The following ERMAP variants were observed in gnomAD, a reference collection of about 807,000 sequenced individuals.
The protein encoded by ERMAP is erythroblast membrane associated protein (Scianna blood group).
A neutral mutation model predicts 49.5 loss-of-function variants in ERMAP; 34 were observed. The observed-to-expected ratio is 0.69, with a 90% CI of 0.52 to 0.91. The LOEUF (loss-of-function observed/expected upper bound fraction) is 0.91. ERMAP is among the 40% of genes least tolerant of loss of function. ERMAP has a pLI of 0.00. For missense variants in ERMAP, 541 were observed against 582.6 expected (o/e 0.93, Z 0.74); for synonymous variants, 214 against 232.2 (o/e 0.92, Z 0.71).
At chr1:42,835,942 C>T (rs549565580) in intron 6 of ERMAP, among the ~76,000 whole-genome samples, 178 bp downstream of exon 6, 1 of 152,230 alleles carries the variant, frequency 6.6e-6, no homozygotes, top group African/African-American at 2.4e-5. Flanking sequence ...CTTGTAATAG[C>T]TTTGCCTTCC....
chr1:42,828,240 C>T (rs1156271978), intron 2 of ERMAP, among the ~76,000 whole-genome samples: 3 of 151,874 alleles, frequency 2.0e-5, no homozygotes, highest in Admixed American at 1.3e-4. Context: ...GCACTTCTTA[C>T]ATGGAGTGAC....
chr1:42,837,543 C>T (rs1654937319), intron 7 of ERMAP: 1 of 166,378 alleles, frequency 6.0e-6, no homozygotes, highest in African/African-American at 2.4e-5. Flanking sequence ...ACAACCTTTG[C>T]ATAGAGAGAG....
At position 42,837,217 on chromosome 1, in the gene ERMAP, G is replaced by C. The variant is rs536249475; in HGVS notation, c.616+27G>C. 6 of 1,606,644 alleles carry C rather than the reference G, an allele frequency of 3.7e-6. No homozygotes were observed. The East Asian group carries it at 1.3e-4, about 36-fold the overall frequency. On this transcript the variant is annotated intron_variant, in intron 7 of 11. Coordinates refer to ENST00000372517, the MANE Select transcript of ERMAP (RefSeq NM_001017922.2). Reference sequence around the variant, plus strand: ...TAATGATATAAAAGAGTAAGGGGTAGGGAACAAAAAACACATTCTTTATTT... The same window carrying C: ...TAATGATATAAAAGAGTAAGGGGTACGGAACAAAAAACACATTCTTTATTT...
At chr1:42,832,092 A>G (rs1004390892) in intron 4 of ERMAP, among the ~76,000 whole-genome samples, 2 of 151,758 alleles carry the variant, frequency 1.3e-5, no homozygotes, top group African/African-American at 4.8e-5. Context: ...GTCACACACC[A>G]TGAAGTGGGG....
intron 2 of ERMAP, among the ~76,000 whole-genome samples, chr1:42,826,982 G>A (rs1570532368): frequency 6.6e-6 from 1 of 151,992 alleles, no homozygotes; most frequent in African/African-American, 2.4e-5. Context: ...GCGATGTATT[G>A]GAAAACAACC....
intron 11 of ERMAP, 148 bp downstream of exon 11, chr1:42,840,444 A>T: frequency 4.3e-6 from 4 of 926,338 alleles, no homozygotes; most frequent in Non-Finnish European, 6.6e-6. Context: ...AAATTAAAAA[A>T]ATCTTTGTGA....
intron 4 of ERMAP, among the ~76,000 whole-genome samples, chr1:42,834,192 G>A (rs567021378): frequency 1.1e-4 from 16 of 152,290 alleles, no homozygotes; most frequent in East Asian, 3.9e-4. Context: ...GCTTCTGCTC[G>A]TTTCCTCTCC....
chr1:42,839,574 T>C (rs1465847045), intron 8 of ERMAP: 3 of 190,582 alleles, frequency 1.6e-5, no homozygotes, highest in South Asian at 1.0e-4. Flanking sequence ...TGCACTATTG[T>C]ACTCCAGCCT....
Position 42,830,973 on chromosome 1 carries a change from G to A in ERMAP, c.291G>A (p.Arg97=). 1 of 1,614,220 alleles carries A rather than the reference G, an allele frequency of 6.2e-7. No homozygotes were observed. The highest frequency in any genetic ancestry group is 1.3e-5 in the African/African-American group (1 of 75,052). ...ATCTGATGCCGGAATATAAGGGGAG[G>A]ACGGTGCTAGTGAGAGATGCCCAAG... The part of the protein sequence containing the change: ...DEDLMPEYKG[R]TVLVRDAQEG... Residue 97 remains arginine (R), a synonymous_variant, in exon 4 of 12, where the codon AGG becomes AGA. Coordinates refer to ENST00000372517, the MANE Select transcript of ERMAP (RefSeq NM_001017922.2).
intron 2 of ERMAP, among the ~76,000 whole-genome samples, chr1:42,826,918 A>G (rs1485514718): frequency 6.6e-6 from 1 of 152,134 alleles, no homozygotes; most frequent in Non-Finnish European, 1.5e-5. Context: ...ACTAGGACTA[A>G]GCCATCTGAT....
intron 4 of ERMAP, among the ~76,000 whole-genome samples, chr1:42,831,571 T>TTTC (rs1553149742): frequency 1.1e-4 from 9 of 79,908 alleles, no homozygotes; most frequent in African/African-American, 1.5e-4. Context: ...TTTTTTTTTT[T>TTTC]TCTCTTTTTT....
intron 2 of ERMAP, among the ~76,000 whole-genome samples, chr1:42,827,169 T>C (rs1654579328): frequency 6.6e-6 from 1 of 152,144 alleles, no homozygotes; most frequent in African/African-American, 2.4e-5. Flanking sequence ...ATATAAAGTA[T>C]TTATTTACTT....
At chr1:42,838,434 C>T (rs1200258471) in intron 7 of ERMAP, among the ~76,000 whole-genome samples, 1 of 152,192 alleles carries the variant, frequency 6.6e-6, no homozygotes. Context: ...ATACACATGT[C>T]CCCAAATCTT....
chr1:42,830,202 C>G lies in ERMAP; in HGVS notation c.-5-242C>G, dbSNP rs1475654696. The G allele has an allele frequency of 7.4e-6, 4 of 537,830 alleles. No homozygotes were observed. The South Asian group carries it at 8.6e-5, about 12-fold the overall frequency. The allele number at this position is 537,830 out of a possible 1,614,324, so 33.3% of individuals were successfully genotyped here. ...TGTGTGAGCATTTACCTCTTTCAAC[C>G]CTCACCATAATCCCACAAGGAGGCA... On this transcript the variant is annotated intron_variant, in intron 2 of 11. Transcript: ENST00000372517.
At chr1:42,820,936 G>A (rs11803391) in intron 1 of ERMAP, among the ~76,000 whole-genome samples, 8 of 152,194 alleles carry the variant, frequency 5.3e-5, no homozygotes, top group African/African-American at 1.2e-4. Flanking sequence ...CAACAACCCC[G>A]GGAGGTAGAG....
chr1:42,834,859 T>C (rs1210089648), intron 4 of ERMAP, 179 bp from the exon 5 acceptor site: 1 of 569,886 alleles, frequency 1.8e-6, no homozygotes, highest in African/African-American at 1.9e-5. Flanking sequence ...CCAGCCTCAG[T>C]TATCTTTAAT....
In ERMAP at chr1:42,832,179, A is replaced by ATTTTTTTT. The variant is rs75673269; in HGVS notation, c.433+1086_433+1093dup. Among the ~76,000 whole-genome samples the ATTTTTTTT allele has an allele frequency of 3.1e-4, 30 of 96,758 alleles. 2 individuals carry two copies. The highest frequency in any genetic ancestry group is 1.3e-3 in the African/African-American group (28 of 20,990). 63.5% of individuals were successfully genotyped at this position (96,758 alleles called of 152,430 possible). On this transcript the variant is annotated intron_variant, in intron 4 of 11. Transcript: ENST00000372517. ...TTGGAGTCCTTTGGGGTGAAAATTA[A>ATTTTTTTT]TTTTTTTTTTTTTTTTTTTTTTTTT...
At position 42,830,532 on chromosome 1, in the gene ERMAP, A is replaced by G. The variant is rs745508917; in HGVS notation, c.84A>G (p.Ser28=). 4 of 1,613,694 alleles carry G rather than the reference A, an allele frequency of 2.5e-6. No individual in the cohort carries two copies. The highest frequency in any genetic ancestry group is 2.5e-6 in the Non-Finnish European group (3 of 1,179,726). ...TCCTCCGGCTGTCTGTGCATGTGTC[A>G]GGTAGGAGTTTCTGATCCTCTTTCC... is the stretch of plus-strand genomic sequence containing the variant. The part of the protein sequence containing the change: ...LVFLRLSVHV[S]GHAGDAGKFH... Residue 28 remains serine (S), a splice_region_variant and synonymous_variant, in exon 3 of 12, where the codon TCA becomes TCG. Transcript: ENST00000372517.
chr1:42,834,686 G>A lies in ERMAP; in HGVS notation c.434-352G>A, dbSNP rs1203575362. The A allele has an allele frequency of 5.2e-5, 12 of 229,390 alleles. No individual in the cohort carries two copies. The South Asian group carries it at 6.2e-4, about 12-fold the overall frequency. The allele number at this position is 229,390 out of a possible 1,614,324, so 14.2% of individuals were successfully genotyped here. A position where few individuals can be genotyped will look rare whatever the true frequency, so the allele number is the denominator to read the frequency against. Reference sequence around the variant, plus strand: ...TTCTCCTGCCTCAGCCTCCTGAAGAGCTGGGATTACAGGTGCCCGCCACCA... The same window carrying A: ...TTCTCCTGCCTCAGCCTCCTGAAGAACTGGGATTACAGGTGCCCGCCACCA... On this transcript the variant is annotated intron_variant, in intron 4 of 11. Transcript: ENST00000372517.
Sources: allele counts gnomAD v4.1 joint callset (sites outside exome capture counted in the v4.1 genomes callset), GRCh38; gene constraint gnomAD v4.1.1; transcripts MANE v1.5; gene names NCBI Gene and HGNC (gene_info 2026-07-23, HGNC 2026-07-21).